The following CMTM8 variants were observed in gnomAD, a reference collection of about 807,000 sequenced individuals.
CMTM8 encodes the protein CKLF like MARVEL transmembrane domain containing 8.
CMTM8 carries 12 observed loss-of-function variants against 18.6 expected under a neutral mutation model. That is an observed-to-expected ratio of 0.65 (90% CI 0.41 to 1.05). CMTM8 has a LOEUF of 1.05. Among genes scored for constraint, CMTM8 ranks in the 50% least tolerant of loss-of-function variants. The pLI, the probability that CMTM8 is intolerant of heterozygous loss-of-function variation, is 0.00. For synonymous variants in CMTM8, 87 were observed against 90.6 expected, an observed-to-expected ratio of 0.96 and a Z score of 0.23; for missense variants, 217 against 227.2, an observed-to-expected ratio of 0.95 and a Z score of 0.29.
chr3:32,276,152 C>G (rs1432216195), intron 1 of CMTM8, among the ~76,000 whole-genome samples: 2 of 152,074 alleles, frequency 1.3e-5, no homozygotes, highest in African/African-American at 2.4e-5. Flanking sequence ...ATTCTTCTCC[C>G]CTTCTGTTTT....
At chr3:32,341,778 G>A (rs1046313198) in intron 1 of CMTM8, among the ~76,000 whole-genome samples, 1 of 152,110 alleles carries the variant, frequency 6.6e-6, no homozygotes, top group African/African-American at 2.4e-5. Flanking sequence ...TCTGGAGGCT[G>A]AAGCAGAAGA....
At chr3:32,355,930 C>T (rs1050687053) in intron 1 of CMTM8, among the ~76,000 whole-genome samples, 2 of 152,188 alleles carry the variant, frequency 1.3e-5, no homozygotes, top group African/African-American at 2.4e-5. Flanking sequence ...TGGACTTCTC[C>T]GATGCTTCCT....
At chr3:32,271,288 G>A (rs910141057) in intron 1 of CMTM8, among the ~76,000 whole-genome samples, 7 of 151,990 alleles carry the variant, frequency 4.6e-5, no homozygotes, top group Admixed American at 3.9e-4. Context: ...CACCACGCCC[G>A]GTAATTTTGT....
At chr3:32,286,763 G>A (rs1247907681) in intron 1 of CMTM8, among the ~76,000 whole-genome samples, 2 of 152,090 alleles carry the variant, frequency 1.3e-5, no homozygotes, top group African/African-American at 4.8e-5. Flanking sequence ...TAGCTGATGA[G>A]CTGAAAAAAA....
At chr3:32,290,134 AAAAC>A (rs1282963661) in intron 1 of CMTM8, among the ~76,000 whole-genome samples, 3 of 152,176 alleles carry the variant, frequency 2.0e-5, no homozygotes, top group Admixed American at 1.3e-4. Flanking sequence ...AAAGAAAAGA[AAAAC>A]AAACAGTCAT....
Position 32,312,506 on chromosome 3 carries a change from G to A in CMTM8, c.148-44867G>A, listed in dbSNP as rs564453528. On this transcript the variant is annotated intron_variant, in intron 1 of 3. Transcript: ENST00000307526. The stretch of plus-strand genomic sequence containing the variant: ...GAGGTACCCAGGGCAAGGCATGTGG[G>A]CAGGGGTGTGGAGCAGGAGCTGTGT... Among the ~76,000 whole-genome samples, 66 of 152,286 alleles carry A rather than the reference G, an allele frequency of 4.3e-4. 2 individuals are homozygous for A. The South Asian group carries it at 0.013, about 31-fold the overall frequency.
intron 1 of CMTM8, among the ~76,000 whole-genome samples, chr3:32,245,482 G>A (rs1702000996): frequency 6.6e-6 from 1 of 152,202 alleles, no homozygotes; most frequent in Non-Finnish European, 1.5e-5. Flanking sequence ...TACTTGACCT[G>A]TGAATTGTAG....
At chr3:32,297,117 A>G (rs922462183) in intron 1 of CMTM8, among the ~76,000 whole-genome samples, 3 of 152,186 alleles carry the variant, frequency 2.0e-5, no homozygotes, top group African/African-American at 4.8e-5. Flanking sequence ...GGTTCAAAGA[A>G]AGATTACATC....
intron 1 of CMTM8, among the ~76,000 whole-genome samples, chr3:32,302,092 G>A (rs376387694): frequency 6.6e-6 from 1 of 151,554 alleles, no homozygotes; most frequent in African/African-American, 2.4e-5. Flanking sequence ...CAACGCTTTG[G>A]GGGGCCAAGG....
intron 1 of CMTM8, among the ~76,000 whole-genome samples, chr3:32,345,472 T>G (rs962707430): frequency 2.0e-4 from 31 of 152,232 alleles, no homozygotes; most frequent in Non-Finnish European, 1.5e-5. Flanking sequence ...ATTTGATGTT[T>G]GTGATGACGC....
intron 1 of CMTM8, among the ~76,000 whole-genome samples, chr3:32,335,793 T>TA (rs1696374628): frequency 6.6e-6 from 1 of 152,214 alleles, no homozygotes; most frequent in African/African-American, 2.4e-5. Context: ...TATAGATTCC[T>TA]AAAGGGCATG....
intron 1 of CMTM8, 43 bp downstream of exon 1, chr3:32,239,162 C>T (rs1438153129): frequency 1.3e-6 from 2 of 1,552,652 alleles, no homozygotes; most frequent in Non-Finnish European, 1.7e-6. Context: ...CTCAGCTGGA[C>T]CCCGGCGCGT....
At position 32,357,359 on chromosome 3, in the gene CMTM8, C is replaced by A; in HGVS notation, c.148-14C>A. 1 of 1,611,566 alleles carries A rather than the reference C, an allele frequency of 6.2e-7. No homozygotes were observed. ...CTGTCCCCTCCTCTCTCCACTGCTT[C>A]TACCACTTTACAGGTTCTGGGGCTG... On this transcript the variant is annotated splice_polypyrimidine_tract_variant and intron_variant, in intron 1 of 3. Coordinates refer to ENST00000307526, the MANE Select transcript of CMTM8 (RefSeq NM_178868.5).
At chr3:32,335,832 T>C (rs1004879877) in intron 1 of CMTM8, among the ~76,000 whole-genome samples, 2 of 152,216 alleles carry the variant, frequency 1.3e-5, no homozygotes, top group Non-Finnish European at 2.9e-5. Context: ...TTCAGTTTCA[T>C]AAAAGCAAGG....
intron 1 of CMTM8, among the ~76,000 whole-genome samples, chr3:32,353,338 T>C (rs1273468718): frequency 1.3e-5 from 2 of 152,198 alleles, no homozygotes; most frequent in Non-Finnish European, 1.5e-5. Context: ...GTAGTACCTC[T>C]AAAGCTTAAA....
At chr3:32,342,815 A>G (rs1237047428) in intron 1 of CMTM8, among the ~76,000 whole-genome samples, 3 of 152,250 alleles carry the variant, frequency 2.0e-5, no homozygotes, top group Non-Finnish European at 4.4e-5. Context: ...CATAGTAGTA[A>G]TAATTGACAC....
At chr3:32,327,895 G>T (rs566258522) in intron 1 of CMTM8, among the ~76,000 whole-genome samples, 3 of 152,168 alleles carry the variant, frequency 2.0e-5, no homozygotes, top group Non-Finnish European at 2.9e-5. Context: ...TGCTATAAGG[G>T]TATGTGATTT....
chr3:32,259,435 C>G (rs1702223700), intron 1 of CMTM8: 1 of 825,446 alleles, frequency 1.2e-6, no homozygotes, highest in South Asian at 1.3e-5. Flanking sequence ...ACTTTAGAGT[C>G]AAGTATGAGA....
At chr3:32,312,286 T>C (rs1474280886) in intron 1 of CMTM8, among the ~76,000 whole-genome samples, 1 of 152,134 alleles carries the variant, frequency 6.6e-6, no homozygotes, top group African/African-American at 2.4e-5. Flanking sequence ...GGGGCCCGCA[T>C]CCCTCAGATA....
Sources: gnomAD v4.1 joint callset for allele counts (sites outside exome capture counted in the v4.1 genomes callset) on GRCh38, gnomAD v4.1.1 for gene constraint, MANE v1.5 for transcripts, NCBI Gene and HGNC (gene_info 2026-07-23, HGNC 2026-07-21) for gene names.